The following XKR6 variants were observed in gnomAD, a reference collection of about 807,000 sequenced individuals.
XKR6 encodes XK related 6.
In XKR6, 22 loss-of-function variants were observed where a neutral mutation model predicts 56.7. That is an observed-to-expected ratio of 0.39 (90% confidence interval 0.28 to 0.55). The LOEUF is 0.55. XKR6 is among the 20% of genes least tolerant of loss of function. The pLI is 0.66. For synonymous variants in XKR6, 524 were observed against 387.8 expected, an observed-to-expected ratio of 1.35 and a Z score of -4.13; for missense variants, 852 against 889.0, an observed-to-expected ratio of 0.96 and a Z score of 0.53.
chr8:10,973,316 C>T (rs1163887348), intron 1 of XKR6, among the ~76,000 whole-genome samples: 6 of 152,170 alleles, frequency 3.9e-5, no homozygotes, highest in Admixed American at 3.3e-4. Context: ...CATCAAAATG[C>T]CCACTGCCCT....
intron 1 of XKR6, among the ~76,000 whole-genome samples, chr8:11,165,025 T>G (rs1250013383): frequency 6.8e-6 from 1 of 146,444 alleles, no homozygotes; most frequent in Admixed American, 6.8e-5. Flanking sequence ...ACGCCTTGAA[T>G]CCAAGAAAAT....
At chr8:10,911,439 G>A in intron 2 of XKR6, among the ~76,000 whole-genome samples, 2 of 139,452 alleles carry the variant, frequency 1.4e-5, no homozygotes, top group African/African-American at 2.7e-5. Context: ...ATATATAGAG[G>A]GTAAGTATAC....
At chr8:11,076,101 G>GA (rs780832480) in intron 1 of XKR6, among the ~76,000 whole-genome samples, 144 of 152,326 alleles carry the variant, frequency 9.5e-4, no homozygotes, top group Middle Eastern at 3.4e-3. Context: ...ATAGTATGCT[G>GA]AAAGAAATGA....
intron 1 of XKR6, among the ~76,000 whole-genome samples, chr8:11,048,453 C>T (rs1403515206): frequency 2.0e-5 from 3 of 152,138 alleles, no homozygotes; most frequent in East Asian, 3.8e-4. Flanking sequence ...CTTGCAGAAA[C>T]GCATATCGAG....
intron 1 of XKR6, among the ~76,000 whole-genome samples, chr8:11,013,121 C>T (rs574467831): frequency 1.3e-5 from 2 of 152,308 alleles, no homozygotes; most frequent in Non-Finnish European, 1.5e-5. Context: ...TCCAAGCTAA[C>T]ATGTATTAAG....
chr8:11,035,404 C>G, intron 1 of XKR6: 1 of 513,304 alleles, frequency 1.9e-6, no homozygotes, highest in Non-Finnish European at 4.0e-6. Context: ...AAGTGCAACT[C>G]CAGGAAAGAG....
intron 1 of XKR6, among the ~76,000 whole-genome samples, chr8:11,056,728 G>T (rs1799694375): frequency 6.6e-6 from 1 of 152,236 alleles, no homozygotes; most frequent in Admixed American, 6.5e-5. Flanking sequence ...CATACCCTGT[G>T]TGACCCCACT....
intron 1 of XKR6, among the ~76,000 whole-genome samples, chr8:11,041,595 TTGA>T (rs1799288270): frequency 6.7e-6 from 1 of 150,356 alleles, no homozygotes; most frequent in South Asian, 2.1e-4. Context: ...GGGAATGATG[TTGA>T]TGATGCAGAT....
chr8:11,162,871 T>A (rs759417280), intron 1 of XKR6, among the ~76,000 whole-genome samples: 2 of 152,256 alleles, frequency 1.3e-5, no homozygotes, highest in African/African-American at 4.8e-5. Context: ...TATCCTAGCA[T>A]AGCTACAAGG....
chr8:11,164,269 T>C (rs1418303959), intron 1 of XKR6, among the ~76,000 whole-genome samples: 1 of 152,218 alleles, frequency 6.6e-6, no homozygotes, highest in Non-Finnish European at 1.5e-5. Flanking sequence ...ACTCTGTAAT[T>C]GTGTGGCATA....
chr8:11,153,647 G>T (rs902680440), intron 1 of XKR6, among the ~76,000 whole-genome samples: 5 of 152,150 alleles, frequency 3.3e-5, no homozygotes, highest in Non-Finnish European at 5.9e-5. Context: ...TGGTTTCTGT[G>T]ATTTCCTCTT....
intron 1 of XKR6, among the ~76,000 whole-genome samples, chr8:11,183,150 T>C (rs1005448982): frequency 6.6e-6 from 1 of 152,256 alleles, no homozygotes; most frequent in Non-Finnish European, 1.5e-5. Flanking sequence ...TTTTGGTTAC[T>C]GTGAATAGTG....
At chr8:11,022,365 G>A (rs1212417883) in intron 1 of XKR6, among the ~76,000 whole-genome samples, 6 of 152,074 alleles carry the variant, frequency 3.9e-5, no homozygotes, top group Non-Finnish European at 7.3e-5. Context: ...TGTGGACACA[G>A]GTACTTATGC....
chr8:11,190,883 T>C (rs1264217467), intron 1 of XKR6, among the ~76,000 whole-genome samples: 2 of 152,214 alleles, frequency 1.3e-5, no homozygotes, highest in African/African-American at 4.8e-5. Flanking sequence ...TTGTGAAAAT[T>C]AAGTGAGACT....
At chr8:10,982,324 G>T (rs1052005085) in intron 1 of XKR6, among the ~76,000 whole-genome samples, 1 of 152,204 alleles carries the variant, frequency 6.6e-6, no homozygotes, top group Non-Finnish European at 1.5e-5. Flanking sequence ...AGTCCGAAGA[G>T]ATTTCCTATG....
At chr8:10,943,426 C>T (rs11986699) in intron 1 of XKR6, among the ~76,000 whole-genome samples, 31,439 of 152,086 alleles carry the variant, frequency 0.21, 4,283 homozygotes, top group African/African-American at 0.39. Context: ...CTGTTCCCCA[C>T]ACCTGCTCCT....
intron 1 of XKR6, among the ~76,000 whole-genome samples, chr8:11,150,076 G>A (rs1355243318): frequency 1.3e-5 from 2 of 152,156 alleles, no homozygotes; most frequent in Non-Finnish European, 1.5e-5. Context: ...GGAAGAGTTG[G>A]GTGGGGGAGA....
At chr8:11,144,082 T>C (rs1224897213) in intron 1 of XKR6, among the ~76,000 whole-genome samples, 1 of 152,090 alleles carries the variant, frequency 6.6e-6, no homozygotes. Context: ...TTAACCCTAG[T>C]TACCTCTTTC....
At chr8:11,192,499 C>CA (rs1181085103) in intron 1 of XKR6, among the ~76,000 whole-genome samples, 1 of 151,900 alleles carries the variant, frequency 6.6e-6, no homozygotes, top group African/African-American at 2.4e-5. Context: ...CCTCAAGCCC[C>CA]AGCTACTCAG....
Sources: allele counts gnomAD v4.1 joint callset (sites outside exome capture counted in the v4.1 genomes callset), GRCh38; gene constraint gnomAD v4.1.1; transcripts MANE v1.5; gene names NCBI Gene and HGNC (gene_info 2026-07-23, HGNC 2026-07-21).